TOPBP1: variants seen among roughly 807,000 people sequenced by gnomAD.
The protein encoded by TOPBP1 is DNA topoisomerase 2-binding protein 1.
TOPBP1 carries 28 observed loss-of-function variants against 167.7 expected under a neutral mutation model. The ratio of observed to expected loss-of-function variants is 0.17; its 90% CI spans 0.12 to 0.23. The LOEUF (loss-of-function observed/expected upper bound fraction) is 0.23. Among genes scored for constraint, TOPBP1 ranks in the 10% least tolerant of loss-of-function variants. The pLI is 1.00. For missense variants in TOPBP1, 1,554 were observed against 1,809.6 expected (o/e 0.86, Z 2.56); for synonymous variants, 598 against 611.4 (o/e 0.98, Z 0.32).
chr3:133,625,999 G>A (rs1935254777), intron 16 of TOPBP1, among the ~76,000 whole-genome samples: 1 of 152,158 alleles, frequency 6.6e-6, no homozygotes, highest in Admixed American at 6.5e-5. Context: ...GAAACCATGA[G>A]TTTCAGTCTT....
chr3:133,627,392 G>T (rs1231534461), intron 16 of TOPBP1, among the ~76,000 whole-genome samples: 1 of 152,036 alleles, frequency 6.6e-6, no homozygotes, highest in African/African-American at 2.4e-5. Context: ...TCAGCAACTG[G>T]CAATAGGTAA....
rs761480701 is a variant in TOPBP1, at chr3:133,640,038, T to C, written c.2154A>G (p.Ile718Met). ...AKKWNLPAVT[I>M]AWLLETARTG... is the part of the protein sequence containing the mutation. ...TTCTAGCAGTCTCCAACAGCCAAGC[T>C]ATAGTAACGGCAGGTAAATTCCACT... Residue 718 changes from isoleucine to methionine, a missense_variant, in exon 13 of 28, where the codon ATA becomes ATG. Ile to Met is a conservative substitution (Grantham distance 10). Transcript: ENST00000260810. The C allele has an allele frequency of 1.8e-5, 29 of 1,613,838 alleles. 1 individual carries two copies. The highest frequency in any genetic ancestry group is 3.3e-4 in the Middle Eastern group (2 of 6,084).
intron 27 of TOPBP1, among the ~76,000 whole-genome samples, chr3:133,605,294 C>T (rs1018974673): frequency 4.0e-5 from 6 of 151,688 alleles, no homozygotes; most frequent in Admixed American, 3.3e-4. Flanking sequence ...GAGAACTTCC[C>T]AACTTGTTTG....
chr3:133,608,161 A>G (rs1247962010), intron 27 of TOPBP1, among the ~76,000 whole-genome samples: 1 of 152,170 alleles, frequency 6.6e-6, no homozygotes. Context: ...AGTGTCTAAC[A>G]TAGGTATTTA....
Position 133,640,084 on chromosome 3 carries a change from G to A in TOPBP1, c.2108C>T (p.Ser703Phe), listed in dbSNP as rs1326991768. The part of the protein sequence containing the change: ...THLILKERGG[S>F]KYEAAKKWNL... ...CCACTTCTTTGCAGCTTCATATTTA[G>A]AGCCACCACGTTCTTTCAGTATAAG... is the stretch of plus-strand genomic sequence containing the variant. The change falls in exon 13 of 28, where the codon TCT becomes TTT. Residue 703 changes from serine to phenylalanine, a missense_variant. By Grantham distance (155) the Ser-to-Phe change is radical (BLOSUM62 -2). Transcript: ENST00000260810. 6.2e-7 allele frequency: 1 copy of A among 1,613,766 alleles called. No homozygotes were observed. Among genetic ancestry groups the A allele is most frequent in the African/African-American group, 1.3e-5 (1 of 74,998 alleles).
At chr3:133,640,699 T>A (rs1935865008) in intron 12 of TOPBP1, among the ~76,000 whole-genome samples, 1 of 151,980 alleles carries the variant, frequency 6.6e-6, no homozygotes, top group Admixed American at 6.6e-5. Flanking sequence ...GTGAACCACC[T>A]CACACAGCCA....
chr3:133,644,464 C>T lies in TOPBP1; in HGVS notation c.1505-101G>A. ...TAACATGGAATCTGATAATTTTGAC[C>T]ATACTTACAAAACTAAAGCTTACGT... On this transcript the variant is annotated intron_variant, in intron 10 of 27. Coordinates refer to ENST00000260810, the MANE Select transcript of TOPBP1 (RefSeq NM_007027.4). 3 of 1,161,512 alleles carry T rather than the reference C, an allele frequency of 2.6e-6. No individual in the cohort carries two copies. The South Asian group carries it at 5.1e-5, about 20-fold the overall frequency. 72.0% of individuals were successfully genotyped at this position (1,161,512 alleles called of 1,614,324 possible).
chr3:133,608,740 A>C, intron 26 of TOPBP1, 44 bp from the exon 27 acceptor site: 1 of 1,606,016 alleles, frequency 6.2e-7, no homozygotes, highest in Non-Finnish European at 8.5e-7. Flanking sequence ...CAGTATTCCA[A>C]AGTAGTTCAG....
chr3:133,649,667 A>C (rs375349577), intron 9 of TOPBP1, 34 bp from the exon 10 acceptor site: 1 of 1,606,818 alleles, frequency 6.2e-7, no homozygotes, highest in Non-Finnish European at 8.5e-7. Flanking sequence ...GTATTAGTGC[A>C]AGCTATAAAG....
intron 25 of TOPBP1, 26 bp from the exon 26 acceptor site, chr3:133,608,988 G>A: frequency 1.9e-6 from 3 of 1,549,676 alleles, no homozygotes; most frequent in Non-Finnish European, 2.6e-6. Flanking sequence ...AATCAGTGGT[G>A]AAATCATTTG....
intron 10 of TOPBP1, among the ~76,000 whole-genome samples, chr3:133,644,959 TG>T (rs1458157551): frequency 2.6e-5 from 4 of 152,314 alleles, no homozygotes; most frequent in Middle Eastern, 3.4e-3. Context: ...TAATGCTAAC[TG>T]TGAGGCTGAT....
chr3:133,647,859 A>G (rs1407204504), intron 10 of TOPBP1, among the ~76,000 whole-genome samples: 6 of 152,162 alleles, frequency 3.9e-5, no homozygotes, highest in Admixed American at 3.9e-4. Flanking sequence ...GAAAGACAAA[A>G]AGATGGAAGA....
intron 27 of TOPBP1, among the ~76,000 whole-genome samples, chr3:133,605,778 C>G (rs1934470803): frequency 6.6e-6 from 1 of 152,110 alleles, no homozygotes; most frequent in Admixed American, 6.6e-5. Context: ...CATAAGACAA[C>G]AAGAAATAAA....
rs140089193 is a variant in TOPBP1 at position 133,626,251 on chromosome 3, C to T, written c.2805-2076G>A. ...AAAAACAGATGAACCAGCCCATACA[C>T]CCTTGGTCTAGATCAGCGGTTTCAG... On this transcript the variant is annotated intron_variant, in intron 16 of 27. Transcript: ENST00000260810. 2.8e-3 allele frequency among the ~76,000 whole-genome samples: 426 copies of T among 152,268 alleles called. 1 individual carries two copies. The highest frequency in any genetic ancestry group is 4.0e-3 in the African/African-American group (167 of 41,558).
chr3:133,603,187 T>C (rs1053341425), intron 27 of TOPBP1, among the ~76,000 whole-genome samples: 6 of 152,150 alleles, frequency 3.9e-5, no homozygotes, highest in African/African-American at 1.4e-4. Context: ...TGAGCCACCA[T>C]GCCCGGCCTC....
At chr3:133,630,551 G>A (rs1935437192) in intron 14 of TOPBP1, among the ~76,000 whole-genome samples, 1 of 151,932 alleles carries the variant, frequency 6.6e-6, no homozygotes, top group African/African-American at 2.4e-5. Flanking sequence ...TCTCGCCTTG[G>A]CCTCCCAAAG....
intron 17 of TOPBP1, 150 bp downstream of exon 17, chr3:133,623,902 G>A: frequency 1.1e-6 from 1 of 936,768 alleles, no homozygotes; most frequent in Non-Finnish European, 1.5e-6. Context: ...AGTTTTTGAT[G>A]CCAAAGATCT....
chr3:133,658,999 A>C lies in TOPBP1; in HGVS notation c.219+17T>G. 10 of 1,587,908 alleles carry C rather than the reference A, an allele frequency of 6.3e-6. No individual in the cohort carries two copies. The highest frequency in any genetic ancestry group is 8.6e-6 in the Non-Finnish European group (10 of 1,168,978). On this transcript the variant is annotated intron_variant, in intron 3 of 27. Transcript: ENST00000260810. ...AAAAAATAGACTACCAAAGGTACAC[A>C]CTAGAAGTCAGCAAACCTTTTTGAG...
chr3:133,612,283 A>AC, intron 24 of TOPBP1, 106 bp downstream of exon 24: 1 of 1,301,290 alleles, frequency 7.7e-7, no homozygotes, highest in Non-Finnish European at 1.1e-6. Flanking sequence ...CAGGTGATCC[A>AC]CCCACCTCGG....
Sources: gnomAD v4.1 joint callset for allele counts (sites outside exome capture counted in the v4.1 genomes callset) on GRCh38, gnomAD v4.1.1 for gene constraint, MANE v1.5 for transcripts, NCBI Gene and HGNC (gene_info 2026-07-23, HGNC 2026-07-21) for gene names.